Variants in TEX9 observed in about 807,000 individuals in gnomAD.
TEX9 encodes testis-expressed protein 9.
In TEX9, 74 loss-of-function variants were observed where a neutral mutation model predicts 59.6. That is an observed-to-expected ratio of 1.24 (90% CI 1.03 to 1.51). The LOEUF (loss-of-function observed/expected upper bound fraction) is 1.51, where lower values mean the gene tolerates loss of function less well. TEX9 is among the 40% of genes most tolerant of loss of function. TEX9 has a pLI of 0.00. For synonymous variants in TEX9, 186 were observed against 152.2 expected (o/e 1.22, Z -1.64); for missense variants, 522 against 447.8 (o/e 1.17, Z -1.49).
chr15:56,381,257 A>G (rs1215893231), intron 3 of TEX9, among the ~76,000 whole-genome samples: 1 of 152,078 alleles, frequency 6.6e-6, no homozygotes, highest in East Asian at 1.9e-4. Context: ...CTTTTTAATT[A>G]TGTCAATCTG....
chr15:56,408,579 A>T (rs771134726), intron 9 of TEX9: 1 of 151,946 alleles, frequency 6.6e-6, no homozygotes, highest in Non-Finnish European at 1.5e-5. Flanking sequence ...TGATATCTCT[A>T]TTGTGTGTTA....
chr15:56,334,562 C>G (rs144809596), intron 1 of TEX9, among the ~76,000 whole-genome samples: 1 of 152,056 alleles, frequency 6.6e-6, no homozygotes, highest in South Asian at 2.1e-4. Flanking sequence ...GAAAGAAATA[C>G]TGGGGACACT....
chr15:56,406,867 G>A (rs1000876430), intron 9 of TEX9, among the ~76,000 whole-genome samples: 2 of 151,950 alleles, frequency 1.3e-5, no homozygotes, highest in Admixed American at 1.3e-4. Flanking sequence ...CTCTCAATCC[G>A]ACTTGGATTT....
downstream of TEX9, chr15:56,447,112 G>T (rs2050911390): frequency 1.8e-6 from 1 of 541,316 alleles, no homozygotes; most frequent in Non-Finnish European, 3.3e-6. Flanking sequence ...TGCCTTTAGG[G>T]CATTAGGGCT....
intron 1 of TEX9, among the ~76,000 whole-genome samples, chr15:56,339,397 A>ACAAAC (rs1555434466): frequency 3.3e-5 from 2 of 61,024 alleles, no homozygotes; most frequent in Non-Finnish European, 9.5e-5. Context: ...AAAAAAAAAA[A>ACAAAC]AAAAAAAAAA....
At chr15:56,255,250 A>G (rs2044118313) in intron 1 of TEX9, among the ~76,000 whole-genome samples, 1 of 152,286 alleles carries the variant, frequency 6.6e-6, no homozygotes, top group Non-Finnish European at 1.5e-5. Flanking sequence ...TTACAAAAGC[A>G]GGGGGCAGGT....
At chr15:56,247,572 CG>C (rs2141278457) in intron 1 of TEX9, among the ~76,000 whole-genome samples, 1 of 152,128 alleles carries the variant, frequency 6.6e-6, no homozygotes, top group East Asian at 1.9e-4. Context: ...ATGCATAGCA[CG>C]GTGTTGACTC....
intron 12 of TEX9, chr15:56,444,702 G>A (rs756954070): frequency 5.4e-5 from 85 of 1,565,808 alleles, no homozygotes; most frequent in Admixed American, 1.0e-4. Flanking sequence ...TGATCTTTCC[G>A]TTTTCAAATT....
At chr15:56,364,207 G>T (rs537771746), upstream of TEX9, among the ~76,000 whole-genome samples, 4 of 151,490 alleles carry the variant, frequency 2.6e-5, no homozygotes, top group South Asian at 8.3e-4. Context: ...AGGTTGGAGC[G>T]CAATGGTGCA....
chr15:56,430,847 T>G (rs1319077510), intron 12 of TEX9, among the ~76,000 whole-genome samples: 3 of 152,164 alleles, frequency 2.0e-5, no homozygotes, highest in African/African-American at 7.2e-5. Context: ...TTAGATTTCC[T>G]ACACTAAAAG....
chr15:56,309,705 T>TTG, intron 1 of TEX9, among the ~76,000 whole-genome samples: 2 of 130,206 alleles, frequency 1.5e-5, no homozygotes, highest in Admixed American at 1.7e-4. Flanking sequence ...TTTTTTTTTT[T>TTG]TTTTTTTTTT....
At chr15:56,442,329 A>C (rs76676955) in intron 12 of TEX9, among the ~76,000 whole-genome samples, 2,705 of 152,304 alleles carry the variant, frequency 0.018, 95 homozygotes, top group African/African-American at 0.06. Context: ...GCGACTCCCC[A>C]AAAAATGAAA....
At chr15:56,373,895 T>C (rs1384265098) in intron 3 of TEX9, among the ~76,000 whole-genome samples, 1 of 152,096 alleles carries the variant, frequency 6.6e-6, no homozygotes, top group African/African-American at 2.4e-5. Flanking sequence ...ATGGAGTTGA[T>C]GGAAGCAGGG....
At chr15:56,390,870 C>T (rs1358836480) in intron 6 of TEX9, among the ~76,000 whole-genome samples, 2 of 151,966 alleles carry the variant, frequency 1.3e-5, no homozygotes, top group Non-Finnish European at 2.9e-5. Flanking sequence ...TGGATTTGAC[C>T]TAGGAGGCCA....
In TEX9 at chr15:56,373,538, T is replaced by C. The variant is rs765527361; in HGVS notation, c.183+34T>C. 2.0e-6 allele frequency: 3 copies of C among 1,482,486 alleles called. No homozygotes were observed. In the Admixed American group the frequency reaches 7.6e-5, roughly 38 times the overall value. The allele number at this position is 1,482,486 out of a possible 1,614,324, so 91.8% of individuals were successfully genotyped here. A position where few individuals can be genotyped will look rare whatever the true frequency, so the allele number is the denominator to read the frequency against. On this transcript the variant is annotated intron_variant, in intron 3 of 12. Transcript: ENST00000352903. ...ATGTACAATTATTAATAATTCTATA[T>C]AAATGCTAGTTTTTTATCTTTTTCA...
intron 1 of TEX9, among the ~76,000 whole-genome samples, chr15:56,248,485 T>C (rs1432365806): frequency 1.3e-5 from 2 of 152,202 alleles, no homozygotes; most frequent in Non-Finnish European, 2.9e-5. Flanking sequence ...TGCTTATCTC[T>C]AAGGATTAGT....
At chr15:56,252,166 G>A (rs1296871787) in intron 1 of TEX9, among the ~76,000 whole-genome samples, 3 of 152,076 alleles carry the variant, frequency 2.0e-5, no homozygotes, top group African/African-American at 4.8e-5. Flanking sequence ...ACCTTGTACA[G>A]CCTTATGTCA....
intron 1 of TEX9, among the ~76,000 whole-genome samples, chr15:56,339,529 G>A (rs2046334187): frequency 6.6e-6 from 1 of 151,308 alleles, no homozygotes; most frequent in Admixed American, 6.6e-5. Flanking sequence ...CAACGCATAT[G>A]CCAGATTAAT....
exon 2 of TEX9, chr15:56,365,639 C>G (rs1176157409): frequency 1.2e-6 from 2 of 1,614,072 alleles, no homozygotes; most frequent in Non-Finnish European, 1.7e-6. Context: ...TACACCTGGA[C>G]CCGACCTCCT....
Sources: gnomAD v4.1 joint callset for allele counts (sites outside exome capture counted in the v4.1 genomes callset) on GRCh38, gnomAD v4.1.1 for gene constraint, MANE v1.5 for transcripts, NCBI Gene and HGNC (gene_info 2026-07-23, HGNC 2026-07-21) for gene names.